Variants in SHISAL1 observed in about 807,000 individuals in gnomAD.
The protein encoded by SHISAL1 is shisa like 1.
A neutral mutation model predicts 22.6 loss-of-function variants in SHISAL1; 9 were observed. The ratio of observed to expected loss-of-function variants is 0.40; its 90% confidence interval spans 0.24 to 0.70. SHISAL1 has a LOEUF of 0.70. SHISAL1 is among the 30% of genes least tolerant of loss of function. The pLI is 0.39. For synonymous variants in SHISAL1, 119 were observed against 115.4 expected (o/e 1.03, Z -0.20); for missense variants, 246 against 270.6 (o/e 0.91, Z 0.64).
At chr22:44,322,993 TCCATCCAC>T in the SHISAL1 span, among the ~76,000 whole-genome samples, 8 of 144,458 alleles carry the variant, frequency 5.5e-5, no homozygotes, top group African/African-American at 2.1e-4. Context: ...CATTCATCCA[TCCATCCAC>T]CCATTCATCC....
At chr22:44,280,752 T>C (rs1232359202) in intron 4 of SHISAL1, among the ~76,000 whole-genome samples, 1 of 151,808 alleles carries the variant, frequency 6.6e-6, no homozygotes, top group African/African-American at 2.4e-5. Context: ...CCCCATCAGG[T>C]CCTCACAACT....
chr22:44,299,263 G>A (rs554202725), intron 2 of SHISAL1, among the ~76,000 whole-genome samples: 8 of 152,278 alleles, frequency 5.3e-5, no homozygotes, highest in South Asian at 2.1e-4. Context: ...GGAGAGAGCC[G>A]CATTTCGGGC....
At chr22:44,314,464 C>T (rs551778107), upstream of SHISAL1, among the ~76,000 whole-genome samples, 828 of 152,272 alleles carry the variant, frequency 5.4e-3, 1 homozygote, top group Middle Eastern at 6.8e-3. Flanking sequence ...ACACCTATGA[C>T]ATAGAAAAGT....
intron 1 of SHISAL1, among the ~76,000 whole-genome samples, chr22:44,305,545 T>C (rs999174219): frequency 3.9e-5 from 6 of 152,236 alleles, no homozygotes; most frequent in Non-Finnish European, 8.8e-5. Flanking sequence ...AAGGACAGTG[T>C]GCAGCCTGAA....
intron 3 of SHISAL1, among the ~76,000 whole-genome samples, chr22:44,286,913 T>G (rs1490681214): frequency 2.6e-5 from 4 of 152,218 alleles, no homozygotes; most frequent in Non-Finnish European, 5.9e-5. Context: ...AGGCATGTGT[T>G]TGGGTGGGTG....
intron 4 of SHISAL1, among the ~76,000 whole-genome samples, chr22:44,280,284 A>C (rs563648457): frequency 1.3e-5 from 2 of 152,146 alleles, no homozygotes; most frequent in Admixed American, 6.5e-5. Flanking sequence ...GGTGAGGCCC[A>C]GGTGGCAGTC....
Position 44,249,635 on chromosome 22 carries a change from G to C in SHISAL1, c.*50C>G. 2 of 779,048 alleles carry C rather than the reference G, an allele frequency of 2.6e-6. No homozygotes were observed. Among genetic ancestry groups the C allele is most frequent in the Non-Finnish European group, 4.8e-6 (2 of 417,598 alleles). The allele number at this position is 779,048 out of a possible 1,614,324, so 48.3% of individuals were successfully genotyped here. Reference sequence around the variant, plus strand: ...AGTTGTTCTTCTCGGAGGCTGCACCGGGTGCTTCAGATCTCATCTCCCCCA... The same window carrying C: ...AGTTGTTCTTCTCGGAGGCTGCACCCGGTGCTTCAGATCTCATCTCCCCCA... On this transcript the variant is annotated 3_prime_UTR_variant, in exon 5 of 5. Coordinates refer to ENST00000381176, the MANE Select transcript of SHISAL1 (RefSeq NM_001099294.2).
At chr22:44,305,104 A>G (rs1489884689) in intron 1 of SHISAL1, among the ~76,000 whole-genome samples, 1 of 151,942 alleles carries the variant, frequency 6.6e-6, no homozygotes, top group Non-Finnish European at 1.5e-5. Context: ...CTTCAGTACT[A>G]CCTCCTCCAG....
rs150581473 is a variant in SHISAL1 at position 44,281,915 on chromosome 22, G to A, written c.599+3513C>T. On this transcript the variant is annotated intron_variant, in intron 4 of 4. Coordinates refer to ENST00000381176, the MANE Select transcript of SHISAL1 (RefSeq NM_001099294.2). Reference sequence around the variant, plus strand: ...GTTATAAATCCCACGGGCGGGGGACGGCACAACGCCCCACCTGCCTGGCCA... The same window carrying A: ...GTTATAAATCCCACGGGCGGGGGACAGCACAACGCCCCACCTGCCTGGCCA... 4.3e-3 allele frequency among the ~76,000 whole-genome samples: 652 copies of A among 152,340 alleles called. 5 individuals carry two copies. The highest frequency in any genetic ancestry group is 0.015 in the African/African-American group (616 of 41,574).
chr22:44,327,170 C>T, the SHISAL1 span, among the ~76,000 whole-genome samples: 2 of 151,948 alleles, frequency 1.3e-5, no homozygotes, highest in Admixed American at 1.3e-4. Context: ...GAGGCTCAGG[C>T]CTGCTGCTGG....
At chr22:44,296,464 T>C (rs2147298638) in intron 3 of SHISAL1, among the ~76,000 whole-genome samples, 1 of 152,334 alleles carries the variant, frequency 6.6e-6, no homozygotes, top group South Asian at 2.1e-4. Context: ...CTGGCCTCTG[T>C]GTCCATTTCT....
At chr22:44,315,691 T>C (rs1164352974), upstream of SHISAL1, among the ~76,000 whole-genome samples, 3 of 152,206 alleles carry the variant, frequency 2.0e-5, no homozygotes, top group African/African-American at 7.2e-5. Context: ...ACGCTGTTGT[T>C]ACCTGCCTGG....
At chr22:44,257,722 C>G (rs1262053851) in intron 4 of SHISAL1, among the ~76,000 whole-genome samples, 1 of 152,234 alleles carries the variant, frequency 6.6e-6, no homozygotes, top group Admixed American at 6.5e-5. Flanking sequence ...GACTCGCCAC[C>G]GTGCTCAGCA....
intron 4 of SHISAL1, among the ~76,000 whole-genome samples, chr22:44,257,587 A>C (rs1292879854): frequency 6.6e-6 from 1 of 152,282 alleles, no homozygotes; most frequent in Non-Finnish European, 1.5e-5. Flanking sequence ...CTGCTTTAAA[A>C]AAATAAAATC....
chr22:44,261,773 G>A (rs1171633308), intron 4 of SHISAL1, among the ~76,000 whole-genome samples: 1 of 152,252 alleles, frequency 6.6e-6, no homozygotes, highest in African/African-American at 2.4e-5. Flanking sequence ...CTGTTCCTGT[G>A]TGGCCACTGA....
chr22:44,307,139 C>T (rs78137730), intron 1 of SHISAL1, among the ~76,000 whole-genome samples: 9,882 of 152,252 alleles, frequency 0.065, 478 homozygotes, highest in East Asian at 0.19. Context: ...GGGCGTCCGC[C>T]GTCCTCCATC....
chr22:44,315,176 C>T (rs972381290), upstream of SHISAL1, among the ~76,000 whole-genome samples: 1 of 152,040 alleles, frequency 6.6e-6, no homozygotes, highest in Non-Finnish European at 1.5e-5. Context: ...AGGGCGAATA[C>T]CAGGAAGCAG....
chr22:44,311,842 C>T (rs1472678088), intron 1 of SHISAL1, among the ~76,000 whole-genome samples: 1 of 152,232 alleles, frequency 6.6e-6, no homozygotes, highest in African/African-American at 2.4e-5. Context: ...TTCTTCAGCT[C>T]AACAACCCTT....
chr22:44,317,526 C>T (rs2055565725), upstream of SHISAL1, among the ~76,000 whole-genome samples: 1 of 152,194 alleles, frequency 6.6e-6, no homozygotes, highest in Non-Finnish European at 1.5e-5. Flanking sequence ...ACCTCATCTG[C>T]CTCCATGCCT....
Sources: allele counts gnomAD v4.1 joint callset (sites outside exome capture counted in the v4.1 genomes callset), GRCh38; gene constraint gnomAD v4.1.1; transcripts MANE v1.5; gene names NCBI Gene and HGNC (gene_info 2026-07-23, HGNC 2026-07-21).